Variants in FOXK2 observed in about 807,000 individuals in gnomAD.
FOXK2 encodes the protein forkhead box protein K2.
Under a neutral mutation model 53.3 loss-of-function variants are expected in FOXK2, and 24 were observed. The observed-to-expected ratio is 0.45, with a 90% CI of 0.33 to 0.63. The LOEUF (loss-of-function observed/expected upper bound fraction) is 0.63. FOXK2 is among the 30% of genes least tolerant of loss of function. The pLI is 0.03. For synonymous variants in FOXK2, 505 were observed against 407.1 expected, an observed-to-expected ratio of 1.24 and a Z score of -2.89; for missense variants, 952 against 910.5, an observed-to-expected ratio of 1.05 and a Z score of -0.59.
chr17:82,529,971 GTTTATC>G (rs1472748208), intron 1 of FOXK2, among the ~76,000 whole-genome samples: 2 of 152,134 alleles, frequency 1.3e-5, no homozygotes, highest in African/African-American at 2.4e-5. Flanking sequence ...TTCTGAGAAC[GTTTATC>G]TTTAGTGGGA....
chr17:82,535,686 C>T (rs72861031), intron 1 of FOXK2, among the ~76,000 whole-genome samples: 27,053 of 151,364 alleles, frequency 0.18, 2,782 homozygotes, highest in Non-Finnish European at 0.24. Flanking sequence ...CTGTCTCTGT[C>T]GATAGTCCTG....
chr17:82,595,022 A>G (rs559970606), intron 8 of FOXK2, among the ~76,000 whole-genome samples: 277 of 152,372 alleles, frequency 1.8e-3, no homozygotes, highest in Non-Finnish European at 2.4e-3. Context: ...CCTGGGAGAC[A>G]GGGTGAGACC....
In FOXK2 at chr17:82,603,281, G is replaced by C. The variant is rs1202709659; in HGVS notation, c.*1782G>C. Reference sequence around the variant, plus strand: ...GTCTGCATCTTCCAAGCACTTTACAGATACCTTGGAATGTATATTTTTGTC... The same window carrying C: ...GTCTGCATCTTCCAAGCACTTTACACATACCTTGGAATGTATATTTTTGTC... On this transcript the variant is annotated 3_prime_UTR_variant, in exon 9 of 9. Transcript: ENST00000335255. The C allele has an allele frequency of 2.0e-5, 3 of 152,388 alleles. No individual in the cohort carries two copies. The East Asian group carries it at 5.8e-4, about 29-fold the overall frequency. The allele number at this position is 152,388 out of a possible 1,614,324, so 9.4% of individuals were successfully genotyped here.
At chr17:82,546,729 A>G (rs1339702239) in intron 1 of FOXK2, among the ~76,000 whole-genome samples, 4 of 151,924 alleles carry the variant, frequency 2.6e-5, no homozygotes, top group South Asian at 2.1e-4. Flanking sequence ...CAGACTCCCA[A>G]GTTCAGGGAT....
intron 4 of FOXK2, 113 bp from the exon 5 acceptor site, chr17:82,582,628 T>G (rs2045077884): frequency 5.0e-6 from 4 of 807,230 alleles, no homozygotes; most frequent in Non-Finnish European, 7.6e-6. Context: ...ACTCTTGCAG[T>G]CTGCCAGGCC....
chr17:82,589,749 T>G (rs532400015), intron 8 of FOXK2, among the ~76,000 whole-genome samples: 1 of 152,132 alleles, frequency 6.6e-6, no homozygotes, highest in Non-Finnish European at 1.5e-5. Flanking sequence ...AACGTGAAAG[T>G]CTGTCAGTGA....
chr17:82,588,559 T>G (rs943040915), intron 8 of FOXK2: 1 of 155,144 alleles, frequency 6.4e-6, no homozygotes, highest in African/African-American at 2.4e-5. Flanking sequence ...GCCTAGTGAT[T>G]CCCAGATTCG....
chr17:82,598,284 G>A (rs963780434), intron 8 of FOXK2, among the ~76,000 whole-genome samples: 22 of 152,098 alleles, frequency 1.4e-4, no homozygotes, highest in Non-Finnish European at 2.8e-4. Flanking sequence ...TTATAGAGAC[G>A]GGGTCTTGCT....
intron 1 of FOXK2, among the ~76,000 whole-genome samples, chr17:82,536,258 C>G (rs1404718381): frequency 6.6e-6 from 1 of 152,176 alleles, no homozygotes; most frequent in Non-Finnish European, 1.5e-5. Context: ...ATCTGGCCTT[C>G]CCCAGAATAG....
At chr17:82,593,408 G>A (rs976181750) in intron 8 of FOXK2, 1 of 152,568 alleles carries the variant, frequency 6.6e-6, no homozygotes. Context: ...AGAGCGATAG[G>A]CACAGAGGAA....
intron 1 of FOXK2, among the ~76,000 whole-genome samples, chr17:82,539,411 C>T (rs1379166709): frequency 6.6e-6 from 1 of 152,012 alleles, no homozygotes; most frequent in East Asian, 1.9e-4. Context: ...CTTTGGGAAG[C>T]TGATGCGGGA....
chr17:82,596,672 G>C (rs2045316811), intron 8 of FOXK2, among the ~76,000 whole-genome samples: 1 of 152,160 alleles, frequency 6.6e-6, no homozygotes, highest in Non-Finnish European at 1.5e-5. Context: ...CTAGGTCCTT[G>C]GCATTTCCGC....
At position 82,585,935 on chromosome 17, in the gene FOXK2, C is replaced by G; in HGVS notation, c.1311C>G (p.Ile437Met). ...CTCTGTCCAGTCAGCCAGTCTTAATCACCGTCCAGCGGCAGCTACCACAGG... is the reference window on the plus strand; with the variant it reads ...CTCTGTCCAGTCAGCCAGTCTTAATGACCGTCCAGCGGCAGCTACCACAGG... ...GSPLSSQPVL[I>M]TVQRQLPQAI... The change falls in exon 7 of 9, where the codon ATC becomes ATG. Residue 437 changes from isoleucine (I) to methionine (M), a missense_variant. Ile to Met is a conservative substitution (Grantham distance 10). This residue lies in a region of FOXK2 where 551 missense variants were observed against 385.1 expected (regional missense o/e 1.43). Transcript: ENST00000335255. 6.2e-7 allele frequency: 1 copy of G among 1,612,468 alleles called. No homozygotes were observed. Among genetic ancestry groups the G allele is most frequent in the East Asian group, 2.2e-5 (1 of 44,876 alleles).
At chr17:82,596,843 C>CT (rs1241455860) in intron 8 of FOXK2, among the ~76,000 whole-genome samples, 1 of 152,220 alleles carries the variant, frequency 6.6e-6, no homozygotes, top group Non-Finnish European at 1.5e-5. Flanking sequence ...CCCTCCCCAT[C>CT]TTCTCACCTA....
chr17:82,532,414 G>C (rs2044480617), intron 1 of FOXK2, among the ~76,000 whole-genome samples: 1 of 152,074 alleles, frequency 6.6e-6, no homozygotes, highest in Non-Finnish European at 1.5e-5. Flanking sequence ...AAAGTGCTGG[G>C]ATTACAGGCG....
intron 4 of FOXK2, among the ~76,000 whole-genome samples, chr17:82,579,318 T>C (rs1567981461): frequency 6.6e-6 from 1 of 152,230 alleles, no homozygotes; most frequent in South Asian, 2.1e-4. Context: ...TCTGGAGGAA[T>C]TGATAGAAAG....
intron 1 of FOXK2, among the ~76,000 whole-genome samples, chr17:82,543,423 T>C (rs1202648618): frequency 5.9e-5 from 9 of 152,150 alleles, no homozygotes; most frequent in Non-Finnish European, 7.4e-5. Flanking sequence ...GGCAGACTGA[T>C]AGCTCAGTGT....
intron 1 of FOXK2, among the ~76,000 whole-genome samples, chr17:82,552,006 T>C (rs2044681664): frequency 6.6e-6 from 1 of 152,158 alleles, no homozygotes; most frequent in Non-Finnish European, 1.5e-5. Flanking sequence ...CCTTGGGCCC[T>C]GGGCTCCCCC....
rs1375705548 is a variant in FOXK2, at chr17:82,603,322, TTTGCA to T, written c.*1824_*1828del. On this transcript the variant is annotated 3_prime_UTR_variant, in exon 9 of 9. Coordinates refer to ENST00000335255, the MANE Select transcript of FOXK2 (RefSeq NM_004514.4). ...TATTTTTGTCTTCTTACTCAGAAGGTTTGCAGTTTGTAAAATAATCAGGATTCTGC... is the reference window on the plus strand; with the variant it reads ...TATTTTTGTCTTCTTACTCAGAAGGTGTTTGTAAAATAATCAGGATTCTGC... 6.6e-6 allele frequency: 1 copy of T among 152,218 alleles called. No individual in the cohort carries two copies. Among genetic ancestry groups the T allele is most frequent in the Non-Finnish European group, 1.5e-5 (1 of 68,050 alleles). The allele number at this position is 152,218 out of a possible 1,614,324, so 9.4% of individuals were successfully genotyped here.
Sources: gnomAD v4.1 joint callset for allele counts (sites outside exome capture counted in the v4.1 genomes callset) on GRCh38, gnomAD v4.1.1 for gene constraint, gnomAD v4.1.1 regional missense constraint, MANE v1.5 for transcripts, NCBI Gene and HGNC (gene_info 2026-07-23, HGNC 2026-07-21) for gene names.